The following LAMA1 variants were observed in gnomAD, a reference collection of about 807,000 sequenced individuals.
The protein encoded by LAMA1 is laminin subunit alpha 1.
Under a neutral mutation model 348.7 loss-of-function variants are expected in LAMA1, and 219 were observed. The ratio of observed to expected loss-of-function variants is 0.63; its 90% CI spans 0.56 to 0.70. The LOEUF (loss-of-function observed/expected upper bound fraction) is 0.70, where lower values mean the gene tolerates loss of function less well. Ranked by LOEUF, LAMA1 falls within the 30% of genes least tolerant of loss-of-function variation. The pLI is 0.00. For synonymous variants in LAMA1, 1,487 were observed against 1,491.0 expected (o/e 1.00, Z 0.06); for missense variants, 3,744 against 3,888.0 (o/e 0.96, Z 0.99).
chr18:7,069,196 C>A (rs1162058729), intron 3 of LAMA1, among the ~76,000 whole-genome samples: 1 of 152,140 alleles, frequency 6.6e-6, no homozygotes. Context: ...AATATGTAAG[C>A]GAGAAAGCTT....
intron 3 of LAMA1, among the ~76,000 whole-genome samples, chr18:7,057,783 ATTCT>A (rs199849402): frequency 8.4e-5 from 12 of 143,074 alleles, no homozygotes; most frequent in Admixed American, 2.1e-4. Context: ...CCAGCCCAAA[ATTCT>A]TTCTTTCTTT....
chr18:6,973,354 C>T (rs1193294528), intron 46 of LAMA1, 147 bp from the exon 47 acceptor site: 1 of 709,450 alleles, frequency 1.4e-6, no homozygotes, highest in Non-Finnish European at 2.5e-6. Flanking sequence ...TCCAGTCTTG[C>T]CTACTGCCCG....
intron 3 of LAMA1, 132 bp from the exon 4 acceptor site, chr18:7,051,068 G>T: frequency 1.6e-6 from 2 of 1,226,372 alleles, no homozygotes; most frequent in Non-Finnish European, 2.3e-6. Flanking sequence ...GTAGAATGGT[G>T]GCTGCCATGA....
chr18:7,099,978 G>A (rs1182623137), intron 1 of LAMA1, among the ~76,000 whole-genome samples: 1 of 143,824 alleles, frequency 7.0e-6, no homozygotes, highest in Non-Finnish European at 1.5e-5. Flanking sequence ...AGAATGGCGT[G>A]AACCAGGGAG....
chr18:7,034,745 A>C, intron 13 of LAMA1, 55 bp from the exon 14 acceptor site: 1 of 1,528,560 alleles, frequency 6.5e-7, no homozygotes, highest in Non-Finnish European at 9.0e-7. Context: ...ATGATAAAAT[A>C]AAAATAAAAT....
rs915041415 is a variant in LAMA1 at position 7,080,545 on chromosome 18, G to A, written c.62-88C>T. On this transcript the variant is annotated intron_variant, in intron 1 of 62. Transcript: ENST00000389658. Reference sequence around the variant, plus strand: ...ATCCCACTTGGTAGGTGAATCAAAAGGAGATTGAAAGTCTATGTGCTGAAT... The same window carrying A: ...ATCCCACTTGGTAGGTGAATCAAAAAGAGATTGAAAGTCTATGTGCTGAAT... 8 of 1,372,722 alleles carry A rather than the reference G, an allele frequency of 5.8e-6. No individual in the cohort carries two copies. In the African/African-American group the frequency reaches 1.1e-4, roughly 20 times the overall value. The allele number at this position is 1,372,722 out of a possible 1,614,324, so 85.0% of individuals were successfully genotyped here. A position where few individuals can be genotyped will look rare whatever the true frequency, so the allele number is the denominator to read the frequency against.
chr18:6,973,271 C>T (rs766794275), intron 46 of LAMA1, 64 bp from the exon 47 acceptor site: 86 of 1,486,532 alleles, frequency 5.8e-5, no homozygotes, highest in South Asian at 8.0e-5. Flanking sequence ...CATACAATCC[C>T]GTTTCCTTCA....
intron 6 of LAMA1, 126 bp from the exon 7 acceptor site, chr18:7,044,965 T>C: frequency 1.3e-6 from 1 of 777,480 alleles, no homozygotes; most frequent in Non-Finnish European, 2.3e-6. Context: ...TATATGATTA[T>C]CATCAAAGCA....
At chr18:7,086,370 T>C (rs1026526752) in intron 1 of LAMA1, among the ~76,000 whole-genome samples, 2 of 152,200 alleles carry the variant, frequency 1.3e-5, no homozygotes, top group Non-Finnish European at 2.9e-5. Context: ...AGATACAACG[T>C]CTTTCACTGA....
chr18:6,985,103 G>T (rs945762893), intron 39 of LAMA1, 134 bp downstream of exon 39: 5 of 1,049,314 alleles, frequency 4.8e-6, no homozygotes, highest in African/African-American at 1.6e-5. Flanking sequence ...AATCCAACTT[G>T]CCAGGTAAAT....
chr18:7,009,657 C>T (rs1400255696), intron 26 of LAMA1, among the ~76,000 whole-genome samples: 1 of 152,176 alleles, frequency 6.6e-6, no homozygotes, highest in Non-Finnish European at 1.5e-5. Flanking sequence ...TCCAAAGTCT[C>T]CTGTACCACT....
chr18:7,012,371 T>C (rs895191855), intron 23 of LAMA1, among the ~76,000 whole-genome samples: 8 of 151,860 alleles, frequency 5.3e-5, no homozygotes, highest in Non-Finnish European at 7.4e-5. Flanking sequence ...GTTTGGAAAA[T>C]ACAGAGTCCC....
chr18:7,023,520 G>A (rs1049897708), intron 18 of LAMA1, 145 bp from the exon 19 acceptor site: 35 of 742,222 alleles, frequency 4.7e-5, no homozygotes, highest in South Asian at 1.7e-4. Context: ...CTCCCCACTC[G>A]GGCATTCCCA....
At chr18:6,943,152 G>T in intron 62 of LAMA1, 28 bp downstream of exon 62, 1 of 1,588,028 alleles carries the variant, frequency 6.3e-7, no homozygotes, top group South Asian at 1.1e-5. Context: ...TGCCCCTTTT[G>T]AGTGGAAGAG....
chr18:7,085,817 T>C (rs1233172629), intron 1 of LAMA1, among the ~76,000 whole-genome samples: 1 of 152,170 alleles, frequency 6.6e-6, no homozygotes, highest in Non-Finnish European at 1.5e-5. Flanking sequence ...ATCAGCACTT[T>C]CTTTGAAACC....
At chr18:6,972,897 G>A (rs2057664507) in intron 47 of LAMA1, among the ~76,000 whole-genome samples, 160 bp downstream of exon 47, 1 of 152,124 alleles carries the variant, frequency 6.6e-6, no homozygotes, top group African/African-American at 2.4e-5. Context: ...CTCCATGTTG[G>A]TCAGGCTGGT....
chr18:7,023,812 C>T (rs902653951), intron 18 of LAMA1, among the ~76,000 whole-genome samples: 2 of 152,082 alleles, frequency 1.3e-5, no homozygotes, highest in Non-Finnish European at 1.5e-5. Context: ...CCACAGATAC[C>T]GACTCCTTGC....
intron 3 of LAMA1, among the ~76,000 whole-genome samples, chr18:7,055,997 G>A (rs749216604): frequency 2.6e-5 from 4 of 151,494 alleles, no homozygotes; most frequent in Admixed American, 1.3e-4. Flanking sequence ...GGAGAATGGC[G>A]TGAACCCGGG....
chr18:7,053,335 G>T (rs1323935891), intron 3 of LAMA1, among the ~76,000 whole-genome samples: 1 of 152,250 alleles, frequency 6.6e-6, no homozygotes, highest in East Asian at 1.9e-4. Context: ...GTAAACTATG[G>T]ACTCAACAAT....
Sources: allele counts gnomAD v4.1 joint callset (sites outside exome capture counted in the v4.1 genomes callset), GRCh38; gene constraint gnomAD v4.1.1; transcripts MANE v1.5; gene names NCBI Gene and HGNC (gene_info 2026-07-23, HGNC 2026-07-21).